HCN1: variants seen among roughly 807,000 people sequenced by gnomAD.
The protein encoded by HCN1 is potassium/sodium hyperpolarization-activated cyclic nucleotide-gated channel 1.
In HCN1, 13 loss-of-function variants were observed where a neutral mutation model predicts 78.9. The observed-to-expected ratio is 0.16, with a 90% CI of 0.11 to 0.26. HCN1 has a LOEUF of 0.26. Ranked by LOEUF, HCN1 falls within the 10% of genes least tolerant of loss-of-function variation. The pLI is 1.00. For missense variants in HCN1, 810 were observed against 1,154.3 expected (o/e 0.70, Z 4.32); for synonymous variants, 552 against 455.5 (o/e 1.21, Z -2.70).
intron 4 of HCN1, among the ~76,000 whole-genome samples, chr5:45,378,956 C>CT (rs1005219360): frequency 1.3e-5 from 2 of 151,932 alleles, no homozygotes; most frequent in African/African-American, 4.8e-5. Flanking sequence ...ATGAACTCAT[C>CT]TTTTTTATGG....
chr5:45,490,949 C>T (rs1741870321), intron 2 of HCN1, among the ~76,000 whole-genome samples: 1 of 152,042 alleles, frequency 6.6e-6, no homozygotes. Context: ...GGAGCATGTT[C>T]AAGGCTCTTC....
intron 4 of HCN1, among the ~76,000 whole-genome samples, chr5:45,372,169 A>G (rs1747402681): frequency 1.7e-5 from 1 of 60,254 alleles, no homozygotes; most frequent in Non-Finnish European, 2.5e-5. Context: ...TATTATATAT[A>G]ATTATATTAT....
intron 4 of HCN1, among the ~76,000 whole-genome samples, chr5:45,369,104 T>G (rs1025199837): frequency 5.3e-5 from 8 of 152,042 alleles, no homozygotes; most frequent in Admixed American, 1.3e-4. Context: ...TGTGGCTTTT[T>G]TTTTTCACTG....
At chr5:45,614,848 T>G (rs533449205) in intron 2 of HCN1, among the ~76,000 whole-genome samples, 27 of 152,122 alleles carry the variant, frequency 1.8e-4, no homozygotes, top group African/African-American at 6.3e-4. Flanking sequence ...ACACTCCAGA[T>G]TATGTCACCC....
intron 2 of HCN1, among the ~76,000 whole-genome samples, chr5:45,584,187 G>T (rs993824497): frequency 2.6e-5 from 4 of 152,090 alleles, no homozygotes; most frequent in Non-Finnish European, 4.4e-5. Flanking sequence ...GGTCTCTAAG[G>T]ACTTGCTTTA....
intron 2 of HCN1, among the ~76,000 whole-genome samples, chr5:45,481,304 CAG>C (rs1190395569): frequency 6.6e-6 from 1 of 152,184 alleles, no homozygotes; most frequent in East Asian, 1.9e-4. Context: ...TGTCAGGAAA[CAG>C]AGATTTAAAG....
At chr5:45,615,286 TAGAG>T (rs1341389645) in intron 2 of HCN1, among the ~76,000 whole-genome samples, 2 of 152,036 alleles carry the variant, frequency 1.3e-5, no homozygotes. Context: ...CTTTTGGGAA[TAGAG>T]AGTGAGAGAA....
chr5:45,312,597 C>CA (rs567038729), intron 5 of HCN1, among the ~76,000 whole-genome samples: 87 of 152,308 alleles, frequency 5.7e-4, no homozygotes, highest in African/African-American at 1.9e-3. Flanking sequence ...TGCAAGGAGT[C>CA]AGGGAATTCC....
intron 2 of HCN1, among the ~76,000 whole-genome samples, chr5:45,473,382 CA>C (rs969075532): frequency 6.6e-6 from 1 of 151,792 alleles, no homozygotes; most frequent in African/African-American, 2.4e-5. Flanking sequence ...CCAGATTTTC[CA>C]AAATCTATCA....
Position 45,645,476 on chromosome 5 carries a change from G to A in HCN1, c.558C>T (p.Phe186=), listed in dbSNP as rs1060500097. 6.2e-7 allele frequency: 1 copy of A among 1,613,604 alleles called. No homozygotes were observed. Among genetic ancestry groups the A allele is most frequent in the Non-Finnish European group, 8.5e-7 (1 of 1,179,742 alleles). The change falls in exon 2 of 8, where the codon TTC becomes TTT. Residue 186 remains phenylalanine, a synonymous_variant. Transcript: ENST00000303230. ...TAAAATTCATGATCAGGTCCAATAG[G>A]AAAACTGTATCTGATGCCACATTGA... The part of the protein sequence containing the change: ...IIFNVASDTV[F]LLDLIMNFRT...
At position 45,679,365 on chromosome 5, in the gene HCN1, T is replaced by C. The variant is rs117091279; in HGVS notation, c.425+16304A>G. Among the ~76,000 whole-genome samples, 48 of 152,168 alleles carry C rather than the reference T, an allele frequency of 3.2e-4. No individual in the cohort carries two copies. In the East Asian group the frequency reaches 8.5e-3, roughly 27 times the overall value. ...TAGAACTTAGCAGCTAATACTGCAT[T>C]TGGAACACTTTTTGTAGAATATCTC... is the stretch of plus-strand genomic sequence containing the variant. On this transcript the variant is annotated intron_variant, in intron 1 of 7. Coordinates refer to ENST00000303230, the MANE Select transcript of HCN1 (RefSeq NM_021072.4).
chr5:45,312,543 G>A (rs1745872487), intron 5 of HCN1, among the ~76,000 whole-genome samples: 1 of 152,144 alleles, frequency 6.6e-6, no homozygotes, highest in Non-Finnish European at 1.5e-5. Flanking sequence ...GCAGCCCACT[G>A]AGCATGAACT....
intron 2 of HCN1, among the ~76,000 whole-genome samples, chr5:45,549,980 T>G (rs1003480763): frequency 2.6e-5 from 4 of 152,220 alleles, no homozygotes; most frequent in African/African-American, 7.2e-5. Flanking sequence ...ATGGCGATCA[T>G]TAAAAAGTCA....
intron 2 of HCN1, among the ~76,000 whole-genome samples, chr5:45,631,904 A>C (rs1480151870): frequency 6.6e-6 from 1 of 152,224 alleles, no homozygotes; most frequent in Non-Finnish European, 1.5e-5. Context: ...CATGTCAAAT[A>C]ATAACTGAAC....
At chr5:45,354,320 T>A (rs556435141) in intron 4 of HCN1, among the ~76,000 whole-genome samples, 1 of 151,980 alleles carries the variant, frequency 6.6e-6, no homozygotes, top group South Asian at 2.1e-4. Context: ...AATAATTAGG[T>A]CTTAAAAATT....
At chr5:45,326,660 G>C (rs1746238682) in intron 5 of HCN1, among the ~76,000 whole-genome samples, 2 of 151,564 alleles carry the variant, frequency 1.3e-5, no homozygotes, top group Non-Finnish European at 3.0e-5. Flanking sequence ...TTATTACTAA[G>C]TGGCTTAAAT....
intron 3 of HCN1, among the ~76,000 whole-genome samples, chr5:45,449,198 G>A (rs930115045): frequency 7.2e-5 from 11 of 152,280 alleles, no homozygotes; most frequent in African/African-American, 2.6e-4. Context: ...CCACATTACA[G>A]ATAAAGTAAC....
At chr5:45,485,752 C>G (rs934738440) in intron 2 of HCN1, among the ~76,000 whole-genome samples, 7 of 152,060 alleles carry the variant, frequency 4.6e-5, no homozygotes, top group Non-Finnish European at 7.4e-5. Context: ...TCCAAGGGTT[C>G]AAAACCAAGT....
At chr5:45,436,415 A>C (rs943800613) in intron 3 of HCN1, among the ~76,000 whole-genome samples, 1 of 152,178 alleles carries the variant, frequency 6.6e-6, no homozygotes, top group Non-Finnish European at 1.5e-5. Context: ...TGCTACATTT[A>C]CATACTTCAT....
Sources: allele counts gnomAD v4.1 joint callset (sites outside exome capture counted in the v4.1 genomes callset), GRCh38; gene constraint gnomAD v4.1.1; transcripts MANE v1.5; gene names NCBI Gene and HGNC (gene_info 2026-07-23, HGNC 2026-07-21).